FDPS: variants seen among roughly 807,000 people sequenced by gnomAD.
FDPS encodes farnesyl diphosphate synthase.
Under a neutral mutation model 49.5 loss-of-function variants are expected in FDPS, and 29 were observed. The ratio of observed to expected loss-of-function variants is 0.59; its 90% confidence interval spans 0.44 to 0.80. FDPS has a LOEUF of 0.80. Among genes scored for constraint, FDPS ranks in the 30% least tolerant of loss-of-function variants. The pLI is 0.00. For missense variants in FDPS, 414 were observed against 525.6 expected, an observed-to-expected ratio of 0.79 and a Z score of 2.08; for synonymous variants, 172 against 206.4, an observed-to-expected ratio of 0.83 and a Z score of 1.43.
chr1:155,319,440 T>A (rs1420783202), intron 8 of FDPS, among the ~76,000 whole-genome samples, 171 bp from the exon 9 acceptor site: 1 of 151,916 alleles, frequency 6.6e-6, no homozygotes, highest in African/African-American at 2.4e-5. Context: ...CAAAAATAAG[T>A]GGGATTGAGG....
chr1:155,318,862 A>G lies in FDPS; in HGVS notation c.780A>G (p.Lys260=), dbSNP rs746947537. 22 of 1,613,028 alleles carry G rather than the reference A, an allele frequency of 1.4e-5. No individual in the cohort carries two copies. Among genetic ancestry groups the G allele is most frequent in the Non-Finnish European group, 1.9e-5 (22 of 1,179,074 alleles). The change falls in exon 8 of 11, where the codon AAA becomes AAG. Residue 260 remains lysine (K), a synonymous_variant. Transcript: ENST00000368356. This position sits in a 1 kb window ranked among gnomAD's most constrained non-coding sequence, Gnocchi z 4.2. The part of the protein sequence containing the change: ...DLVRFTEKRY[K]SIVKYKTAFY... ...CTCTTCTCCCCTTACTCAGGTACAA[A>G]TCTATTGTCAAGTACAAGACAGCTT...
intron 4 of FDPS, chr1:155,316,759 C>T (rs1572091683): frequency 6.6e-6 from 1 of 151,410 alleles, no homozygotes; most frequent in Admixed American, 6.6e-5. Context: ...CCACTGCACT[C>T]CAGCTTGGGT....
chr1:155,314,543 TGGTGTACTG>T (rs777099778), intron 4 of FDPS, among the ~76,000 whole-genome samples: 1 of 151,792 alleles, frequency 6.6e-6, no homozygotes, highest in Non-Finnish European at 1.5e-5. Flanking sequence ...GGTGCAATCA[TGGTGTACTG>T]TAGCCTCGAC....
At chr1:155,312,138 T>G in intron 3 of FDPS, 117 bp from the exon 4 acceptor site, 3 of 1,124,310 alleles carry the variant, frequency 2.7e-6, no homozygotes, top group East Asian at 2.4e-5. Flanking sequence ...TGAAGAGGAG[T>G]TGGGGTTGGG....
intron 4 of FDPS, among the ~76,000 whole-genome samples, chr1:155,314,200 T>TC (rs2148237622): frequency 6.6e-6 from 1 of 151,328 alleles, no homozygotes; most frequent in East Asian, 2.0e-4. Context: ...TTTTTTTTTT[T>TC]TTTGATACAG....
At chr1:155,317,686 A>T in intron 4 of FDPS, 1 of 304,880 alleles carries the variant, frequency 3.3e-6, no homozygotes, top group East Asian at 6.0e-5. Flanking sequence ...AAATAAATTA[A>T]AAAAAAAAAA....
chr1:155,316,432 A>G (rs769870569), intron 4 of FDPS, among the ~76,000 whole-genome samples: 6 of 152,200 alleles, frequency 3.9e-5, no homozygotes, highest in Non-Finnish European at 7.3e-5. Context: ...AACTTGGGCA[A>G]CATGACAAGA....
At chr1:155,312,502 C>CT in intron 4 of FDPS, 107 bp downstream of exon 4, 1 of 1,312,310 alleles carries the variant, frequency 7.6e-7, no homozygotes, top group Non-Finnish European at 1.1e-6. Context: ...GTTTGTGTTT[C>CT]TTTGTCTCTA....
Position 155,313,331 on chromosome 1 carries a change from T to A in FDPS, c.480+936T>A, listed in dbSNP as rs552839156. 9.8e-5 allele frequency among the ~76,000 whole-genome samples: 15 copies of A among 152,340 alleles called. No homozygotes were observed. The South Asian group carries it at 1.7e-3, about 17-fold the overall frequency. ...CTTGAAGGTGTCTAGTTTGCTGGCA[T>A]GGCCTAAAGCTTTCATTAGTGGCAG... On this transcript the variant is annotated intron_variant, in intron 4 of 10. Transcript: ENST00000368356.
At chr1:155,310,415 A>T in intron 3 of FDPS, 1 of 549,160 alleles carries the variant, frequency 1.8e-6, no homozygotes, top group Non-Finnish European at 3.2e-6. Context: ...GGTTCAAGTG[A>T]TTCTCCTGCC....
In FDPS at chr1:155,318,444, G is replaced by C; in HGVS notation, c.684+153G>C. 9.8e-7 allele frequency: 1 copy of C among 1,015,758 alleles called. No individual in the cohort carries two copies. The highest frequency in any genetic ancestry group is 1.5e-6 in the Non-Finnish European group (1 of 678,612). 62.9% of individuals were successfully genotyped at this position (1,015,758 alleles called of 1,614,324 possible). On this transcript the variant is annotated intron_variant, in intron 6 of 10. Coordinates refer to ENST00000368356, the MANE Select transcript of FDPS (RefSeq NM_002004.4). This position sits in a 1 kb window ranked among gnomAD's most constrained non-coding sequence, Gnocchi z 4.2. ...AAGGGTGTTGGGAAGTGGGGTTGTG[G>C]TAGTGGCAAGAAAGGGCTTCTCTGT...
chr1:155,310,005 A>C, intron 2 of FDPS, 38 bp from the exon 3 acceptor site: 1 of 1,611,786 alleles, frequency 6.2e-7, no homozygotes, highest in South Asian at 1.1e-5. Flanking sequence ...GGAGGGGAGC[A>C]GCTGATCAGG....
At chr1:155,312,553 T>A in intron 4 of FDPS, 158 bp downstream of exon 4, 1 of 732,138 alleles carries the variant, frequency 1.4e-6, no homozygotes, top group Non-Finnish European at 2.2e-6. Flanking sequence ...CTCCAAGGGT[T>A]AACTAATGTG....
At chr1:155,316,531 A>G in intron 4 of FDPS, among the ~76,000 whole-genome samples, 1 of 152,008 alleles carries the variant, frequency 6.6e-6, no homozygotes, top group East Asian at 1.9e-4. Context: ...TAATCCCAGC[A>G]CTTTGGGAGG....
intron 10 of FDPS, 161 bp from the exon 11 acceptor site, chr1:155,320,248 A>C: frequency 1.5e-6 from 1 of 684,178 alleles, no homozygotes; most frequent in Non-Finnish European, 2.5e-6. Context: ...AGGGAAGGGA[A>C]GCTTGGGATT....
intron 3 of FDPS, among the ~76,000 whole-genome samples, chr1:155,311,863 C>G (rs1449073355): frequency 6.6e-6 from 1 of 151,998 alleles, no homozygotes; most frequent in African/African-American, 2.4e-5. Context: ...ATCCCAGCTA[C>G]TCGAGAGGCT....
rs772800704 is a variant in FDPS, at chr1:155,318,134, A to T, written c.562-35A>T. 5.1e-5 allele frequency: 82 copies of T among 1,613,812 alleles called. No individual in the cohort carries two copies. Among genetic ancestry groups the T allele is most frequent in the Non-Finnish European group, 6.5e-5 (77 of 1,179,990 alleles). ...GGCTCTTAGTATGAACCGAGACTAG[A>T]GATTGATTGCTTGTTTTTCTGTCTG... On this transcript the variant is annotated intron_variant, in intron 5 of 10. Transcript: ENST00000368356. This position sits in a 1 kb window ranked among gnomAD's most constrained non-coding sequence, Gnocchi z 4.2.
At chr1:155,315,823 C>T (rs568341810) in intron 4 of FDPS, among the ~76,000 whole-genome samples, 18 of 148,346 alleles carry the variant, frequency 1.2e-4, no homozygotes, top group African/African-American at 2.5e-4. Context: ...GCCAAGATCG[C>T]GCTATTGCAC....
chr1:155,318,650 C>CT lies in FDPS; in HGVS notation c.685-12dup, dbSNP rs1490430818. 17 of 1,599,342 alleles carry CT rather than the reference C, an allele frequency of 1.1e-5. No homozygotes were observed. Among genetic ancestry groups the CT allele is most frequent in the Non-Finnish European group, 1.5e-5 (17 of 1,166,738 alleles). On this transcript the variant is annotated splice_polypyrimidine_tract_variant and intron_variant, in intron 6 of 10. Transcript: ENST00000368356. This position sits in a 1 kb window ranked among gnomAD's most constrained non-coding sequence, Gnocchi z 4.2. ...GGAGAAAGCCTGGCTCATGGACCGT[C>CT]TTTGTCTTGCTTAGAGTTCCTATCA...
Sources: gnomAD v4.1 joint callset for allele counts (sites outside exome capture counted in the v4.1 genomes callset) on GRCh38, gnomAD v4.1.1 for gene constraint, Gnocchi (gnomAD v3.1) non-coding constraint, MANE v1.5 for transcripts, NCBI Gene and HGNC (gene_info 2026-07-23, HGNC 2026-07-21) for gene names.